Variants in MIPEP observed in about 807,000 individuals in gnomAD.
The protein encoded by MIPEP is mitochondrial intermediate peptidase.
In MIPEP, 79 loss-of-function variants were observed where a neutral mutation model predicts 90.3. That is an observed-to-expected ratio of 0.87 (90% CI 0.73 to 1.05). MIPEP has a LOEUF of 1.05. Ranked by LOEUF, MIPEP falls within the 50% of genes least tolerant of loss-of-function variation. The pLI is 0.00. For missense variants in MIPEP, 940 were observed against 905.6 expected (o/e 1.04, Z -0.49); for synonymous variants, 334 against 315.8 (o/e 1.06, Z -0.61).
chr13:23,869,463 TA>T lies in MIPEP; in HGVS notation c.787-16del. The T allele has an allele frequency of 6.3e-7, 1 of 1,593,292 alleles. No individual in the cohort carries two copies. Among genetic ancestry groups the T allele is most frequent in the Non-Finnish European group, 8.5e-7 (1 of 1,171,966 alleles). ...GCTTCTCGCACCTACGTTTAAAAAG[TA>T]AATGGTGAAGGCTATAAATATCATC... is the stretch of plus-strand genomic sequence containing the variant. On this transcript the variant is annotated splice_polypyrimidine_tract_variant and intron_variant, in intron 6 of 18. Transcript: ENST00000382172.
intron 18 of MIPEP, among the ~76,000 whole-genome samples, chr13:23,745,269 T>C (rs998655698): frequency 1.3e-5 from 2 of 152,208 alleles, no homozygotes; most frequent in Admixed American, 1.3e-4. Flanking sequence ...AATTTCTTAA[T>C]CTAATTTCAT....
chr13:23,754,582 T>C (rs568869842), intron 18 of MIPEP, among the ~76,000 whole-genome samples: 1 of 152,354 alleles, frequency 6.6e-6, no homozygotes, highest in Non-Finnish European at 1.5e-5. Flanking sequence ...TGAGAGTTAG[T>C]TGCAACATTC....
At chr13:23,794,009 A>T (rs1473159183) in intron 16 of MIPEP, among the ~76,000 whole-genome samples, 1 of 150,926 alleles carries the variant, frequency 6.6e-6, no homozygotes, top group African/African-American at 2.5e-5. Flanking sequence ...CTGTATTTAG[A>T]AAAGACCTCA....
At position 23,870,485 on chromosome 13, in the gene MIPEP, A is replaced by G. The variant is rs202141896; in HGVS notation, c.604-290T>C. Among the ~76,000 whole-genome samples, 55 of 152,270 alleles carry G rather than the reference A, an allele frequency of 3.6e-4. 1 individual carries two copies. Among genetic ancestry groups the G allele is most frequent in the East Asian group, 9.6e-4 (5 of 5,188 alleles). On this transcript the variant is annotated intron_variant, in intron 5 of 18. Coordinates refer to ENST00000382172, the MANE Select transcript of MIPEP (RefSeq NM_005932.4). Reference sequence around the variant, plus strand: ...TAGTTCTATTTTATGTCTAGGTTATATAACTAATTGTTGAAATTAACAACA... The same window carrying G: ...TAGTTCTATTTTATGTCTAGGTTATGTAACTAATTGTTGAAATTAACAACA...
intron 9 of MIPEP, among the ~76,000 whole-genome samples, chr13:23,860,118 C>T (rs1194448498): frequency 6.6e-6 from 1 of 152,186 alleles, no homozygotes; most frequent in African/African-American, 2.4e-5. Flanking sequence ...AGTAGAAGGG[C>T]AAGTGACTCA....
chr13:23,885,839 C>T (rs1353373023), intron 2 of MIPEP, among the ~76,000 whole-genome samples: 2 of 150,022 alleles, frequency 1.3e-5, no homozygotes, highest in Non-Finnish European at 3.0e-5. Context: ...CTTTGGGAGG[C>T]CGAGGCAGGA....
chr13:23,851,396 T>A (rs901298416), intron 10 of MIPEP, among the ~76,000 whole-genome samples: 1 of 152,242 alleles, frequency 6.6e-6, no homozygotes. Flanking sequence ...GAAAGCCAGA[T>A]AATACTCATT....
chr13:23,808,351 G>A (rs563477261), intron 15 of MIPEP, among the ~76,000 whole-genome samples: 3 of 152,082 alleles, frequency 2.0e-5, no homozygotes, highest in East Asian at 3.9e-4. Flanking sequence ...CGCCCGCCTC[G>A]GCCTCCCAAC....
At chr13:23,859,003 CT>C (rs1469990085) in intron 9 of MIPEP, 91 bp from the exon 10 acceptor site, 10 of 1,011,220 alleles carry the variant, frequency 9.9e-6, no homozygotes, top group African/African-American at 9.6e-5. Context: ...TGTAAACCAG[CT>C]ACTGTTCATG....
intron 1 of MIPEP, chr13:23,888,686 G>A (rs1465699544): frequency 1.0e-6 from 1 of 991,756 alleles, no homozygotes; most frequent in African/African-American, 1.7e-5. Flanking sequence ...ACCATTACTC[G>A]ACTGCAGGCA....
At position 23,889,264 on chromosome 13, in the gene MIPEP, G is replaced by A. The variant is rs1593216126; in HGVS notation, c.57C>T (p.Pro19=). The change falls in exon 1 of 19, where the codon CCC becomes CCT. Residue 19 remains proline, a synonymous_variant. Coordinates refer to ENST00000382172, the MANE Select transcript of MIPEP (RefSeq NM_005932.4). ...GLGARAAALP[P]RRAGRGSLEA... Reference sequence around the variant, plus strand: ...CGAGGCTTCCCCGGCCCGCCCGGCGGGGCGGCAGAGCTGCTGCTCTGGCTC... The same window carrying A: ...CGAGGCTTCCCCGGCCCGCCCGGCGAGGCGGCAGAGCTGCTGCTCTGGCTC... 1.4e-6 allele frequency: 2 copies of A among 1,384,978 alleles called. No homozygotes were observed. The highest frequency in any genetic ancestry group is 1.9e-6 in the Non-Finnish European group (2 of 1,068,970). The allele number at this position is 1,384,978 out of a possible 1,614,324, so 85.8% of individuals were successfully genotyped here. A position where few individuals can be genotyped will look rare whatever the true frequency, so the allele number is the denominator to read the frequency against.
intron 16 of MIPEP, among the ~76,000 whole-genome samples, chr13:23,798,725 C>T (rs1467504793): frequency 6.6e-6 from 1 of 151,516 alleles, no homozygotes; most frequent in Non-Finnish European, 1.5e-5. Flanking sequence ...GGCACCTACC[C>T]TCTCTCTCTC....
intron 10 of MIPEP, among the ~76,000 whole-genome samples, chr13:23,853,367 T>C (rs1388723039): frequency 6.6e-6 from 1 of 152,162 alleles, no homozygotes; most frequent in Non-Finnish European, 1.5e-5. Context: ...ACCATACCTT[T>C]TCCATGTTTA....
Position 23,811,855 on chromosome 13 carries a change from G to A in MIPEP, c.1654-1931C>T, listed in dbSNP as rs564989904. 2.6e-5 allele frequency among the ~76,000 whole-genome samples: 4 copies of A among 152,252 alleles called. No homozygotes were observed. The South Asian group carries it at 8.3e-4, about 32-fold the overall frequency. ...GTTTCAGTTCCCCAGGCCCCTGCCT[G>A]ACAAAGTATCTTTAAAAACTCTAGC... is the stretch of plus-strand genomic sequence containing the variant. On this transcript the variant is annotated intron_variant, in intron 14 of 18. Coordinates refer to ENST00000382172, the MANE Select transcript of MIPEP (RefSeq NM_005932.4).
At chr13:23,858,794 T>C in intron 10 of MIPEP, 66 bp downstream of exon 10, 2 of 1,401,986 alleles carry the variant, frequency 1.4e-6, no homozygotes, top group Admixed American at 1.7e-5. Context: ...TGGATGACAG[T>C]AGCTGCTGAA....
intron 16 of MIPEP, among the ~76,000 whole-genome samples, chr13:23,771,804 A>G (rs1470120394): frequency 3.9e-5 from 6 of 152,250 alleles, no homozygotes; most frequent in African/African-American, 1.2e-4. Flanking sequence ...GATTCACTCA[A>G]CTTCCTTGGT....
At chr13:23,873,384 G>A (rs180791072) in intron 5 of MIPEP, among the ~76,000 whole-genome samples, 92 of 152,296 alleles carry the variant, frequency 6.0e-4, no homozygotes, top group African/African-American at 1.8e-3. Context: ...GTTCACAGAC[G>A]GGGAAGACTG....
intron 18 of MIPEP, among the ~76,000 whole-genome samples, chr13:23,737,223 C>T (rs967736765): frequency 6.6e-6 from 1 of 152,222 alleles, no homozygotes; most frequent in South Asian, 2.1e-4. Flanking sequence ...TCTCACAGGG[C>T]CGTAGTCTGG....
intron 14 of MIPEP, among the ~76,000 whole-genome samples, chr13:23,831,736 C>T (rs1868777155): frequency 6.6e-6 from 1 of 152,154 alleles, no homozygotes; most frequent in Non-Finnish European, 1.5e-5. Flanking sequence ...ATCTAAAGGA[C>T]CTAATCACAT....
Sources: allele counts gnomAD v4.1 joint callset (sites outside exome capture counted in the v4.1 genomes callset), GRCh38; gene constraint gnomAD v4.1.1; transcripts MANE v1.5; gene names NCBI Gene and HGNC (gene_info 2026-07-23, HGNC 2026-07-21).